Variants in SEMA3D observed in about 807,000 individuals in gnomAD.
SEMA3D encodes the protein semaphorin-3D.
SEMA3D carries 84 observed loss-of-function variants against 100.1 expected under a neutral mutation model. The observed-to-expected ratio is 0.84, with a 90% CI of 0.70 to 1.01. The LOEUF is 1.01. Among genes scored for constraint, SEMA3D ranks in the 50% least tolerant of loss-of-function variants. The pLI is 0.00. For missense variants in SEMA3D, 875 were observed against 934.1 expected (o/e 0.94, Z 0.82); for synonymous variants, 312 against 320.7 (o/e 0.97, Z 0.29).
At chr7:85,217,364 T>C in the SEMA3D span, among the ~76,000 whole-genome samples, 3,104 of 152,190 alleles carry the variant, frequency 0.02, 103 homozygotes, top group African/African-American at 0.072. Flanking sequence ...GTAATACTCC[T>C]GGCCTCAAAA....
intron 8 of SEMA3D, among the ~76,000 whole-genome samples, chr7:85,061,283 A>T (rs1791471376): frequency 6.6e-6 from 1 of 152,130 alleles, no homozygotes; most frequent in Non-Finnish European, 1.5e-5. Flanking sequence ...CTACTTTTTA[A>T]GTCTAAACTG....
At chr7:85,171,948 TGTGTGTGTGTGG>T (rs757408575) in intron 1 of SEMA3D, among the ~76,000 whole-genome samples, 427 of 151,824 alleles carry the variant, frequency 2.8e-3, no homozygotes, top group Admixed American at 5.8e-3. Flanking sequence ...TAAAGCGGTG[TGTGTGTGTGTGG>T]GTGTGTGTGT....
the SEMA3D span, among the ~76,000 whole-genome samples, chr7:85,231,672 G>A: frequency 6.6e-6 from 1 of 151,910 alleles, no homozygotes; most frequent in Non-Finnish European, 1.5e-5. Flanking sequence ...GGATGGTCTC[G>A]ATCTCCTGAC....
Position 85,140,250 on chromosome 7 carries a change from T to C in SEMA3D, c.-41+13358A>G, listed in dbSNP as rs1790007709. On this transcript the variant is annotated intron_variant, in intron 2 of 18. Transcript: ENST00000284136. ...TCAATATAAAATAATAATTCATTTA[T>C]TAAATAAGACTTCTGCATTTTCTCT... 4.7e-6 allele frequency: 4 copies of C among 846,510 alleles called. No homozygotes were observed. The South Asian group carries it at 2.2e-4, about 46-fold the overall frequency. 52.4% of individuals were successfully genotyped at this position (846,510 alleles called of 1,614,324 possible). A position where few individuals can be genotyped will look rare whatever the true frequency, so the allele number is the denominator to read the frequency against.
chr7:85,074,829 A>G (rs1791878864), intron 5 of SEMA3D, among the ~76,000 whole-genome samples: 1 of 151,922 alleles, frequency 6.6e-6, no homozygotes, highest in Admixed American at 6.6e-5. Context: ...TTTGTTACCT[A>G]GTCTGGTCTT....
the SEMA3D span, among the ~76,000 whole-genome samples, chr7:85,213,538 A>T: frequency 6.6e-6 from 1 of 151,972 alleles, no homozygotes; most frequent in Admixed American, 6.6e-5. Context: ...TATCTCTTAA[A>T]TTCTGTATCT....
intron 12 of SEMA3D, among the ~76,000 whole-genome samples, chr7:85,025,152 G>T (rs892357318): frequency 2.8e-4 from 43 of 152,076 alleles, no homozygotes; most frequent in African/African-American, 9.9e-4. Flanking sequence ...ACCATACGGG[G>T]ACATTTATTT....
chr7:85,110,233 G>A (rs1789055623), intron 3 of SEMA3D, among the ~76,000 whole-genome samples: 1 of 151,874 alleles, frequency 6.6e-6, no homozygotes, highest in Non-Finnish European at 1.5e-5. Context: ...GACCAATAAT[G>A]TTTAGAGCAA....
chr7:85,042,018 G>A (rs763879624), intron 10 of SEMA3D, 153 bp downstream of exon 10: 6 of 652,422 alleles, frequency 9.2e-6, no homozygotes, highest in African/African-American at 3.6e-5. Flanking sequence ...GAGCACTTCC[G>A]TGTACTTTGC....
At chr7:85,240,333 A>T in the SEMA3D span, among the ~76,000 whole-genome samples, 1 of 152,250 alleles carries the variant, frequency 6.6e-6, no homozygotes, top group East Asian at 1.9e-4. Flanking sequence ...CCAGCCTTGC[A>T]TGGCTGAGAT....
chr7:85,104,398 A>T (rs1008479668), intron 3 of SEMA3D, among the ~76,000 whole-genome samples: 24 of 152,124 alleles, frequency 1.6e-4, no homozygotes, highest in Non-Finnish European at 2.9e-4. Flanking sequence ...GCCTAATAAA[A>T]TGAATCTCCT....
intron 6 of SEMA3D, among the ~76,000 whole-genome samples, chr7:85,070,782 T>A (rs1791748834): frequency 6.8e-6 from 1 of 146,030 alleles, no homozygotes; most frequent in Non-Finnish European, 1.5e-5. Context: ...CACTTGTGAC[T>A]TTTTTTTGTT....
intron 2 of SEMA3D, among the ~76,000 whole-genome samples, chr7:85,151,175 A>T (rs1269042560): frequency 6.6e-6 from 1 of 151,908 alleles, no homozygotes; most frequent in Non-Finnish European, 1.5e-5. Context: ...GTCTAGTAAA[A>T]CTATGTAAAA....
chr7:85,060,289 C>T (rs1233058249), intron 8 of SEMA3D, among the ~76,000 whole-genome samples: 1 of 152,086 alleles, frequency 6.6e-6, no homozygotes, highest in Non-Finnish European at 1.5e-5. Context: ...AGTAAGCATA[C>T]TTGAGAGTTA....
intron 7 of SEMA3D, among the ~76,000 whole-genome samples, chr7:85,066,913 C>CACATACACACACAGAGAGAGAGAG: frequency 8.6e-5 from 11 of 127,822 alleles, no homozygotes; most frequent in African/African-American, 3.5e-4. Flanking sequence ...CACACACACA[C>CACATACACACACAGAGAGAGAGAG]AGAGAGAGAG....
intron 2 of SEMA3D, among the ~76,000 whole-genome samples, chr7:85,136,614 T>G (rs190948646): frequency 6.6e-6 from 1 of 152,256 alleles, no homozygotes; most frequent in East Asian, 1.9e-4. Flanking sequence ...TGTTTTTATT[T>G]AAAATATTAA....
intron 17 of SEMA3D, among the ~76,000 whole-genome samples, chr7:85,008,881 A>C (rs1020831005): frequency 3.0e-4 from 46 of 151,810 alleles, no homozygotes; most frequent in Non-Finnish European, 4.0e-4. Context: ...TAAAAATACT[A>C]TACAGAATTA....
At chr7:85,195,477 C>T in the SEMA3D span, among the ~76,000 whole-genome samples, 8 of 151,896 alleles carry the variant, frequency 5.3e-5, no homozygotes, top group East Asian at 7.8e-4. Context: ...GAATCTGAGT[C>T]GCTCTCTCAT....
intron 1 of SEMA3D, among the ~76,000 whole-genome samples, chr7:85,158,654 C>T (rs962342920): frequency 6.6e-6 from 1 of 152,144 alleles, no homozygotes; most frequent in Non-Finnish European, 1.5e-5. Context: ...CTGTGACTCA[C>T]ACCCTATTCG....
Sources: gnomAD v4.1 joint callset for allele counts (sites outside exome capture counted in the v4.1 genomes callset) on GRCh38, gnomAD v4.1.1 for gene constraint, MANE v1.5 for transcripts, NCBI Gene and HGNC (gene_info 2026-07-23, HGNC 2026-07-21) for gene names.